Variants in APBB1IP observed in about 807,000 individuals in gnomAD.
The protein encoded by APBB1IP is amyloid beta A4 precursor protein-binding family B member 1-interacting protein.
A neutral mutation model predicts 64.9 loss-of-function variants in APBB1IP; 27 were observed. That is an observed-to-expected ratio of 0.42 (90% CI 0.31 to 0.57). The LOEUF is 0.57. Among genes scored for constraint, APBB1IP ranks in the 20% least tolerant of loss-of-function variants. The probability of loss-of-function intolerance (pLI) is 0.20; values close to 1 mark genes in which losing one functional copy is unlikely to be tolerated. For synonymous variants in APBB1IP, 392 were observed against 331.0 expected, an observed-to-expected ratio of 1.18 and a Z score of -2.00; for missense variants, 812 against 845.5, an observed-to-expected ratio of 0.96 and a Z score of 0.49.
intron 11 of APBB1IP, among the ~76,000 whole-genome samples, chr10:26,544,376 C>G (rs1281673612): frequency 6.6e-6 from 1 of 152,196 alleles, no homozygotes; most frequent in South Asian, 2.1e-4. Context: ...AATGCAGGTT[C>G]CCAGGCCCTA....
chr10:26,447,531 T>G (rs1011432194), intron 2 of APBB1IP, among the ~76,000 whole-genome samples: 1 of 152,110 alleles, frequency 6.6e-6, no homozygotes, highest in Admixed American at 6.6e-5. Flanking sequence ...TAACATAGAA[T>G]GAGTAATATT....
At chr10:26,474,937 T>A (rs985066248) in intron 2 of APBB1IP, among the ~76,000 whole-genome samples, 1 of 152,216 alleles carries the variant, frequency 6.6e-6, no homozygotes, top group Admixed American at 6.5e-5. Context: ...GGCTTAACAT[T>A]ATCTGTTCTA....
intron 11 of APBB1IP, among the ~76,000 whole-genome samples, chr10:26,556,559 T>G (rs1836897449): frequency 6.6e-6 from 1 of 152,228 alleles, no homozygotes; most frequent in Non-Finnish European, 1.5e-5. Context: ...TCAAAAGTCA[T>G]TTTCTTTAAG....
At chr10:26,483,877 T>C (rs1198488239) in intron 2 of APBB1IP, among the ~76,000 whole-genome samples, 3 of 152,172 alleles carry the variant, frequency 2.0e-5, no homozygotes, top group Admixed American at 6.5e-5. Flanking sequence ...TATGACTGGC[T>C]AATTTTTTTA....
intron 2 of APBB1IP, among the ~76,000 whole-genome samples, chr10:26,478,481 T>G (rs1335319071): frequency 5.9e-5 from 9 of 151,580 alleles, no homozygotes; most frequent in Non-Finnish European, 1.2e-4. Flanking sequence ...AGGTCAGGAG[T>G]GGCGCATGCC....
chr10:26,544,109 G>A (rs746083495), intron 11 of APBB1IP, among the ~76,000 whole-genome samples: 2 of 152,204 alleles, frequency 1.3e-5, no homozygotes, highest in African/African-American at 2.4e-5. Context: ...CTCTCAGACA[G>A]TTTCTCAGGC....
chr10:26,562,207 T>C (rs1367387554), intron 13 of APBB1IP, 119 bp from the exon 14 acceptor site: 2 of 743,456 alleles, frequency 2.7e-6, no homozygotes, highest in Non-Finnish European at 4.6e-6. Context: ...TTGTAAGAAC[T>C]AGCCAACAAG....
At chr10:26,524,151 A>G (rs1320403933) in intron 8 of APBB1IP, among the ~76,000 whole-genome samples, 4 of 152,126 alleles carry the variant, frequency 2.6e-5, no homozygotes, top group Non-Finnish European at 5.9e-5. Context: ...CCCCTGAAGC[A>G]GATTATAGAA....
intron 2 of APBB1IP, among the ~76,000 whole-genome samples, chr10:26,488,694 C>A (rs1375303948): frequency 6.6e-6 from 1 of 152,236 alleles, no homozygotes. Flanking sequence ...GCCATAAACA[C>A]TTTTTTAATC....
At chr10:26,475,498 G>A (rs1435797394) in intron 2 of APBB1IP, among the ~76,000 whole-genome samples, 1 of 152,096 alleles carries the variant, frequency 6.6e-6, no homozygotes, top group African/African-American at 2.4e-5. Flanking sequence ...TTCCACCTGT[G>A]TTTTTCCTTC....
chr10:26,483,953 C>T (rs1201272391), intron 2 of APBB1IP, among the ~76,000 whole-genome samples: 1 of 152,014 alleles, frequency 6.6e-6, no homozygotes, highest in Non-Finnish European at 1.5e-5. Flanking sequence ...ATTCTCAGTG[C>T]TCTGAAATTT....
rs188981478 is a variant in APBB1IP at position 26,519,434 on chromosome 10, C to T, written c.813+5774C>T. Among the ~76,000 whole-genome samples, 595 of 152,278 alleles carry T rather than the reference C, an allele frequency of 3.9e-3. 3 individuals are homozygous for T. The highest frequency in any genetic ancestry group is 6.3e-3 in the Non-Finnish European group (427 of 68,026). On this transcript the variant is annotated intron_variant, in intron 8 of 14. Coordinates refer to ENST00000376236, the MANE Select transcript of APBB1IP (RefSeq NM_019043.4). ...AAGGGGAAGGAGAGTGAGCACCTTA[C>T]ATGGCTGGGGCAGGAGGAAGAGAGA...
intron 5 of APBB1IP, 143 bp downstream of exon 5, chr10:26,501,254 T>G: frequency 8.0e-7 from 1 of 1,252,420 alleles, no homozygotes; most frequent in Non-Finnish European, 1.1e-6. Context: ...GCACGCTCAT[T>G]GCAAAGCTAG....
intron 4 of APBB1IP, 85 bp downstream of exon 4, chr10:26,496,476 A>T: frequency 1.8e-6 from 2 of 1,107,632 alleles, no homozygotes; most frequent in Non-Finnish European, 2.7e-6. Context: ...TGAAAACTAA[A>T]TTAAAGGAAC....
At chr10:26,539,168 TG>T (rs1232436929) in intron 10 of APBB1IP, among the ~76,000 whole-genome samples, 2 of 152,178 alleles carry the variant, frequency 1.3e-5, no homozygotes, top group Non-Finnish European at 2.9e-5. Context: ...TCCAGAACTC[TG>T]GGAGGACCAG....
intron 4 of APBB1IP, 71 bp downstream of exon 4, chr10:26,496,462 A>T: frequency 7.8e-7 from 1 of 1,274,822 alleles, no homozygotes; most frequent in East Asian, 2.4e-5. Flanking sequence ...ATGAAACTAT[A>T]ATTTGAAAAC....
chr10:26,466,079 C>CA (rs1835645156), intron 2 of APBB1IP, among the ~76,000 whole-genome samples: 2 of 152,140 alleles, frequency 1.3e-5, no homozygotes, highest in African/African-American at 2.4e-5. Flanking sequence ...GGGGGTGACC[C>CA]AAAAAGCAGG....
chr10:26,463,450 A>T (rs1537750), intron 2 of APBB1IP, among the ~76,000 whole-genome samples: 55,786 of 151,596 alleles, frequency 0.37, 10,251 homozygotes, highest in South Asian at 0.5. Context: ...TAAAATTTTT[A>T]AAAAAATGTA....
intron 6 of APBB1IP, 46 bp downstream of exon 6, chr10:26,503,320 C>T (rs912374581): frequency 6.3e-7 from 1 of 1,585,926 alleles, no homozygotes; most frequent in Non-Finnish European, 8.6e-7. Flanking sequence ...AATTAAGGAC[C>T]TGTGATTATG....
Sources: gnomAD v4.1 joint callset for allele counts (sites outside exome capture counted in the v4.1 genomes callset) on GRCh38, gnomAD v4.1.1 for gene constraint, MANE v1.5 for transcripts, NCBI Gene and HGNC (gene_info 2026-07-23, HGNC 2026-07-21) for gene names.